Variants in CDH23 observed in about 807,000 individuals in gnomAD.
CDH23 encodes cadherin related 23.
Under a neutral mutation model 317.1 loss-of-function variants are expected in CDH23, and 189 were observed. The observed-to-expected ratio is 0.60, with a 90% CI of 0.53 to 0.67. The LOEUF is 0.67. CDH23 is among the 30% of genes least tolerant of loss of function. The probability of loss-of-function intolerance (pLI) is 0.00; values close to 1 mark genes in which losing one functional copy is unlikely to be tolerated. For missense variants in CDH23, 4,401 were observed against 4,592.4 expected (o/e 0.96, Z 1.20); for synonymous variants, 1,839 against 1,876.8 (o/e 0.98, Z 0.52).
At chr10:71,691,073 AG>A (rs1865168431) in intron 20 of CDH23, among the ~76,000 whole-genome samples, 1 of 152,192 alleles carries the variant, frequency 6.6e-6, no homozygotes, top group Non-Finnish European at 1.5e-5. Flanking sequence ...GCACACGAAA[AG>A]TGCTAAAAAA....
chr10:71,767,219 C>T (rs1564784140), intron 38 of CDH23, among the ~76,000 whole-genome samples: 2 of 152,324 alleles, frequency 1.3e-5, no homozygotes, highest in African/African-American at 2.4e-5. Flanking sequence ...CAGCAGGCCC[C>T]GGGTGACCCC....
At chr10:71,747,309 G>T (rs921321489) in intron 38 of CDH23, among the ~76,000 whole-genome samples, 2 of 152,202 alleles carry the variant, frequency 1.3e-5, no homozygotes, top group Non-Finnish European at 2.9e-5. Flanking sequence ...GGCAGGAGCT[G>T]ATATGGAAGG....
At chr10:71,460,432 G>A (rs181673458) in intron 3 of CDH23, among the ~76,000 whole-genome samples, 5 of 152,244 alleles carry the variant, frequency 3.3e-5, no homozygotes, top group South Asian at 2.1e-4. Context: ...GCGGGAACCC[G>A]CACACTTGCT....
At chr10:71,616,921 A>G (rs1861219202) in intron 10 of CDH23, among the ~76,000 whole-genome samples, 1 of 152,106 alleles carries the variant, frequency 6.6e-6, no homozygotes, top group Non-Finnish European at 1.5e-5. Context: ...TCCCTACCCC[A>G]TCTCATCCAT....
intron 38 of CDH23, among the ~76,000 whole-genome samples, chr10:71,770,439 C>A (rs201453233): frequency 8.8e-6 from 1 of 113,008 alleles, no homozygotes; most frequent in African/African-American, 3.0e-5. Context: ...AGGGGCTGTA[C>A]GGAAGCCCTG....
chr10:71,793,368 C>T lies in CDH23; in HGVS notation c.6440C>T (p.Thr2147Ile), dbSNP rs769241730. 6 of 1,613,876 alleles carry T rather than the reference C, an allele frequency of 3.7e-6. No individual in the cohort carries two copies. Among genetic ancestry groups the T allele is most frequent in the Non-Finnish European group, 4.2e-6 (5 of 1,179,906 alleles). The stretch of plus-strand genomic sequence containing the variant: ...TCCTACAGGCTAACGGTGGTGGCCA[C>T]CGACCGGGGCACCGTTCCTCTCTCG... Reference protein sequence around the residue: ...QESYRLTVVATDRGTVPLSGT... With the variant: ...QESYRLTVVAIDRGTVPLSGT... The change falls in exon 48 of 70, where the codon ACC becomes ATC. Residue 2147 changes from threonine (T) to isoleucine (I), a missense_variant. Coordinates refer to ENST00000224721, the MANE Select transcript of CDH23 (RefSeq NM_022124.6).
intron 35 of CDH23, 134 bp from the exon 36 acceptor site, chr10:71,739,510 A>C (rs1353903969): frequency 1.0e-5 from 11 of 1,077,196 alleles, no homozygotes; most frequent in Non-Finnish European, 1.4e-5. Context: ...TCTGCTTAAA[A>C]CACTGCACTC....
At chr10:71,485,609 T>C (rs781000349) in intron 3 of CDH23, among the ~76,000 whole-genome samples, 1 of 152,226 alleles carries the variant, frequency 6.6e-6, no homozygotes, top group Non-Finnish European at 1.5e-5. Context: ...GTGAGGCTGT[T>C]TGACTGCCCC....
At chr10:71,672,807 C>T (rs1864202046) in intron 14 of CDH23, among the ~76,000 whole-genome samples, 1 of 152,092 alleles carries the variant, frequency 6.6e-6, no homozygotes, top group African/African-American at 2.4e-5. Flanking sequence ...GATGCAGGCA[C>T]CTCACATATC....
chr10:71,745,747 C>T (rs1447082728), intron 38 of CDH23, among the ~76,000 whole-genome samples: 3 of 152,180 alleles, frequency 2.0e-5, no homozygotes, highest in African/African-American at 4.8e-5. Flanking sequence ...TCACTGGATG[C>T]GTGTATGAGG....
intron 38 of CDH23, among the ~76,000 whole-genome samples, chr10:71,757,113 C>A (rs1840169598): frequency 6.6e-6 from 1 of 152,210 alleles, no homozygotes; most frequent in African/African-American, 2.4e-5. Context: ...TTTCAAAACC[C>A]CCATCAAAGG....
chr10:71,479,722 CA>C (rs1244551030), intron 3 of CDH23, among the ~76,000 whole-genome samples: 1 of 151,876 alleles, frequency 6.6e-6, no homozygotes, highest in Non-Finnish European at 1.5e-5. Flanking sequence ...CGGTGAGGAT[CA>C]GGGGCAGGGA....
chr10:71,422,447 T>C (rs1032141140), intron 1 of CDH23, among the ~76,000 whole-genome samples: 1 of 152,226 alleles, frequency 6.6e-6, no homozygotes, highest in African/African-American at 2.4e-5. Flanking sequence ...GTGATATTTA[T>C]GAAGTTCTAT....
At chr10:71,532,727 G>GTTTTTTTTTTTTT (rs200038577) in intron 6 of CDH23, among the ~76,000 whole-genome samples, 2 of 93,932 alleles carry the variant, frequency 2.1e-5, no homozygotes, top group Non-Finnish European at 4.8e-5. Context: ...TTTTTTTTTT[G>GTTTTTTTTTTTTT]TTTTTTTTTT....
chr10:71,539,966 C>A (rs774561297), intron 6 of CDH23, among the ~76,000 whole-genome samples: 31 of 152,284 alleles, frequency 2.0e-4, no homozygotes, highest in Middle Eastern at 3.4e-3. Flanking sequence ...TAGCGCCTGG[C>A]AGGGAGCAAG....
chr10:71,631,426 G>A (rs1024034699), intron 11 of CDH23, among the ~76,000 whole-genome samples: 1 of 152,336 alleles, frequency 6.6e-6, no homozygotes, highest in African/African-American at 2.4e-5. Context: ...GAGCAAGAGG[G>A]AGCACTGATG....
At chr10:71,617,625 ATTAT>A in intron 11 of CDH23, 2 of 1,153,356 alleles carry the variant, frequency 1.7e-6, no homozygotes, top group African/African-American at 3.1e-5. Context: ...ATGTGTGGTT[ATTAT>A]TTAGAAGTTA....
chr10:71,483,969 A>G (rs1852208230), intron 3 of CDH23, among the ~76,000 whole-genome samples: 1 of 151,920 alleles, frequency 6.6e-6, no homozygotes, highest in African/African-American at 2.4e-5. Flanking sequence ...CCTTCAAAGG[A>G]GGTGCTGGGT....
intron 6 of CDH23, among the ~76,000 whole-genome samples, chr10:71,542,609 C>T (rs1020333548): frequency 9.9e-5 from 15 of 152,172 alleles, no homozygotes; most frequent in Non-Finnish European, 1.8e-4. Context: ...GGAGGCTGAG[C>T]TCAGCAGGCG....
Sources: gnomAD v4.1 joint callset for allele counts (sites outside exome capture counted in the v4.1 genomes callset) on GRCh38, gnomAD v4.1.1 for gene constraint, MANE v1.5 for transcripts, NCBI Gene and HGNC (gene_info 2026-07-23, HGNC 2026-07-21) for gene names.